Variants in LRP1B observed in about 807,000 individuals in gnomAD.
LRP1B encodes the protein low-density lipoprotein receptor-related protein 1B.
Under a neutral mutation model 556.6 loss-of-function variants are expected in LRP1B, and 217 were observed. The observed-to-expected ratio is 0.39, with a 90% CI of 0.35 to 0.44. LRP1B has a LOEUF of 0.44. Ranked by LOEUF, LRP1B falls within the 20% of genes least tolerant of loss-of-function variation. LRP1B has a pLI of 1.00. For missense variants in LRP1B, 5,053 were observed against 5,620.8 expected, an observed-to-expected ratio of 0.90 and a Z score of 3.23; for synonymous variants, 2,047 against 1,865.8, an observed-to-expected ratio of 1.10 and a Z score of -2.50.
intron 25 of LRP1B, 146 bp downstream of exon 25, chr2:140,883,671 C>T (rs369151430): frequency 3.3e-6 from 2 of 601,558 alleles, no homozygotes; most frequent in East Asian, 3.0e-5. Flanking sequence ...TACCTACCCC[C>T]ACCTCCCCGC....
At chr2:142,049,711 G>A (rs1468036415) in intron 1 of LRP1B, among the ~76,000 whole-genome samples, 1 of 152,030 alleles carries the variant, frequency 6.6e-6, no homozygotes, top group Non-Finnish European at 1.5e-5. Context: ...TCAATTTACA[G>A]CAAGTATTTG....
intron 24 of LRP1B, among the ~76,000 whole-genome samples, chr2:140,884,686 A>C (rs1161441244): frequency 6.6e-6 from 1 of 152,082 alleles, no homozygotes; most frequent in Non-Finnish European, 1.5e-5. Flanking sequence ...CCACTATTGA[A>C]TTTCTTTCAC....
intron 47 of LRP1B, among the ~76,000 whole-genome samples, chr2:140,530,291 T>G (rs1485847): frequency 6.6e-6 from 1 of 151,796 alleles, no homozygotes; most frequent in African/African-American, 2.4e-5. Context: ...CTGCATCTCT[T>G]CATTGCACTG....
Position 141,700,022 on chromosome 2 carries a change from G to T in LRP1B, c.205+110257C>A, listed in dbSNP as rs1191294255. On this transcript the variant is annotated intron_variant, in intron 2 of 90. Coordinates refer to ENST00000389484, the MANE Select transcript of LRP1B (RefSeq NM_018557.3). ...CTTTGAAACTCATATGTAAATATGA[G>T]GTTTAGTGTGAGAACTAAAGAGAAC... Among the ~76,000 whole-genome samples the T allele has an allele frequency of 5.9e-5, 9 of 151,324 alleles. No homozygotes were observed. The Admixed American group carries it at 6.0e-4, about 10-fold the overall frequency.
In LRP1B at chr2:141,620,830, T is replaced by C. The variant is rs988845099; in HGVS notation, c.206-140297A>G. Among the ~76,000 whole-genome samples, 3 of 152,294 alleles carry C rather than the reference T, an allele frequency of 2.0e-5. No homozygotes were observed. In the East Asian group the frequency reaches 5.8e-4, roughly 29 times the overall value. On this transcript the variant is annotated intron_variant, in intron 2 of 90. Transcript: ENST00000389484. The stretch of plus-strand genomic sequence containing the variant: ...GAAGTCTTAGTTATAGTATTGATTT[T>C]TTTAAGTGGCTTGTATCATTCAGGT...
At chr2:141,909,261 A>G (rs1475348031) in intron 1 of LRP1B, among the ~76,000 whole-genome samples, 1 of 152,110 alleles carries the variant, frequency 6.6e-6, no homozygotes, top group African/African-American at 2.4e-5. Flanking sequence ...TCAGAAATAA[A>G]TGAAAGGAAC....
At chr2:140,461,368 G>T (rs1426251821) in intron 60 of LRP1B, among the ~76,000 whole-genome samples, 1 of 152,046 alleles carries the variant, frequency 6.6e-6, no homozygotes, top group Non-Finnish European at 1.5e-5. Flanking sequence ...TACAGCATTA[G>T]GATATTGGTA....
chr2:141,528,044 G>A (rs933049031), intron 2 of LRP1B, among the ~76,000 whole-genome samples: 1 of 151,814 alleles, frequency 6.6e-6, no homozygotes, highest in Non-Finnish European at 1.5e-5. Context: ...AAGTTCTCTT[G>A]TTGGCCTCTG....
chr2:140,813,609 A>T (rs776293829), intron 32 of LRP1B, 48 bp downstream of exon 32: 1 of 1,564,580 alleles, frequency 6.4e-7, no homozygotes, highest in East Asian at 2.3e-5. Flanking sequence ...TAATAAATCA[A>T]CCCCCAATCA....
chr2:141,869,191 G>C (rs1698504755), intron 1 of LRP1B, among the ~76,000 whole-genome samples: 1 of 152,072 alleles, frequency 6.6e-6, no homozygotes, highest in Admixed American at 6.6e-5. Flanking sequence ...TTTATCTGTA[G>C]CTGCTGACAG....
chr2:140,444,749 G>T, intron 63 of LRP1B, 70 bp from the exon 64 acceptor site: 1 of 879,236 alleles, frequency 1.1e-6, no homozygotes, highest in Non-Finnish European at 1.9e-6. Context: ...TAGAGTTTCT[G>T]ACATTCAAGA....
At chr2:141,137,019 G>T (rs1701508210) in intron 7 of LRP1B, among the ~76,000 whole-genome samples, 2 of 141,414 alleles carry the variant, frequency 1.4e-5, no homozygotes, top group Admixed American at 6.9e-5. Context: ...AACAAAATGT[G>T]CAGTCTTTCA....
At chr2:141,126,814 C>G (rs1701225722) in intron 7 of LRP1B, among the ~76,000 whole-genome samples, 1 of 152,116 alleles carries the variant, frequency 6.6e-6, no homozygotes, top group Non-Finnish European at 1.5e-5. Flanking sequence ...TCCCTAGTAC[C>G]TCAATCCAAC....
chr2:141,644,042 G>GTGTGTT (rs1558776000), intron 2 of LRP1B, among the ~76,000 whole-genome samples: 2 of 132,028 alleles, frequency 1.5e-5, no homozygotes, highest in Admixed American at 7.5e-5. Context: ...GTGTGTGTGT[G>GTGTGTT]TGTGTGTGTA....
intron 41 of LRP1B, among the ~76,000 whole-genome samples, chr2:140,664,236 C>T (rs2105345719): frequency 6.6e-6 from 1 of 152,224 alleles, no homozygotes; most frequent in African/African-American, 2.4e-5. Context: ...ATAAAGTGAG[C>T]ACATGTTATT....
At chr2:141,294,010 A>G (rs1169760169) in intron 3 of LRP1B, among the ~76,000 whole-genome samples, 4 of 152,182 alleles carry the variant, frequency 2.6e-5, no homozygotes, top group East Asian at 1.9e-4. Context: ...ATTTGAAAGT[A>G]TCTTTAACTT....
chr2:141,940,011 A>AAATTCTTTTGAAG (rs67999898), intron 1 of LRP1B, among the ~76,000 whole-genome samples: 130,823 of 151,776 alleles, frequency 0.86, 56,531 homozygotes, highest in East Asian at 1. Flanking sequence ...ATAAACATTA[A>AAATTCTTTTGAAG]ATCTCAAGTC....
intron 41 of LRP1B, among the ~76,000 whole-genome samples, chr2:140,625,682 A>C (rs1412213398): frequency 6.6e-6 from 1 of 152,198 alleles, no homozygotes; most frequent in African/African-American, 2.4e-5. Context: ...CAACAATGAG[A>C]TACTACTACA....
At chr2:141,483,483 T>C (rs1363283815) in intron 2 of LRP1B, among the ~76,000 whole-genome samples, 1 of 122,302 alleles carries the variant, frequency 8.2e-6, no homozygotes. Context: ...TAGCCAGTAA[T>C]GGGATGGCTG....
Sources: allele counts gnomAD v4.1 joint callset (sites outside exome capture counted in the v4.1 genomes callset), GRCh38; gene constraint gnomAD v4.1.1; transcripts MANE v1.5; gene names NCBI Gene and HGNC (gene_info 2026-07-23, HGNC 2026-07-21).